USP32: variants seen among roughly 807,000 people sequenced by gnomAD.
USP32 encodes ubiquitin specific peptidase 32.
USP32 carries 59 observed loss-of-function variants against 204.8 expected under a neutral mutation model. The ratio of observed to expected loss-of-function variants is 0.29; its 90% CI spans 0.23 to 0.36. The LOEUF is 0.36. USP32 is among the 10% of genes least tolerant of loss of function. The pLI, the probability that USP32 is intolerant of heterozygous loss-of-function variation, is 1.00. For missense variants in USP32, 1,160 were observed against 1,946.4 expected (o/e 0.60, Z 7.60); for synonymous variants, 517 against 678.4 (o/e 0.76, Z 3.70).
At chr17:60,287,080 G>A (rs1164937111) in intron 5 of USP32, among the ~76,000 whole-genome samples, 3 of 152,126 alleles carry the variant, frequency 2.0e-5, no homozygotes, top group African/African-American at 4.8e-5. Flanking sequence ...AACCTGGGAG[G>A]TGGAGGTTGC....
At chr17:60,199,441 A>G (rs1266131591) in intron 26 of USP32, among the ~76,000 whole-genome samples, 1 of 152,194 alleles carries the variant, frequency 6.6e-6, no homozygotes, top group Non-Finnish European at 1.5e-5. Context: ...TTATCCTGGA[A>G]ATGGCTGTTA....
intron 1 of USP32, among the ~76,000 whole-genome samples, chr17:60,381,454 AAAG>A (rs2089645925): frequency 6.6e-6 from 1 of 151,886 alleles, no homozygotes; most frequent in Non-Finnish European, 1.5e-5. Context: ...AAAAAAAAAA[AAAG>A]GTTTTTATCT....
intron 33 of USP32, among the ~76,000 whole-genome samples, chr17:60,180,048 C>T (rs1183619751): frequency 6.6e-6 from 1 of 150,466 alleles, no homozygotes; most frequent in Non-Finnish European, 1.5e-5. Context: ...TTTCTTGAGA[C>T]AGAGTCTTGC....
intron 2 of USP32, among the ~76,000 whole-genome samples, chr17:60,328,779 C>T (rs1219817724): frequency 6.6e-6 from 1 of 152,190 alleles, no homozygotes; most frequent in Admixed American, 6.5e-5. Context: ...CGGGAGCAGC[C>T]AGAGAAGCTG....
chr17:60,263,653 A>C (rs1266993509), intron 9 of USP32, among the ~76,000 whole-genome samples: 1 of 152,218 alleles, frequency 6.6e-6, no homozygotes, highest in East Asian at 1.9e-4. Context: ...TCAAAATTTT[A>C]TCTCTACACA....
intron 1 of USP32, among the ~76,000 whole-genome samples, chr17:60,408,565 A>C (rs2089996058): frequency 6.6e-6 from 1 of 151,948 alleles, no homozygotes; most frequent in Non-Finnish European, 1.5e-5. Context: ...TTTAGTAGAG[A>C]TGGGGTTTCA....
At chr17:60,421,188 C>T (rs937705069) in intron 1 of USP32, 2 of 205,060 alleles carry the variant, frequency 9.8e-6, no homozygotes, top group Non-Finnish European at 1.7e-5. Flanking sequence ...AATTAATGAT[C>T]AGAAAACAGA....
At chr17:60,390,874 AAG>A (rs891056773) in intron 1 of USP32, among the ~76,000 whole-genome samples, 2 of 152,126 alleles carry the variant, frequency 1.3e-5, no homozygotes, top group African/African-American at 4.8e-5. Context: ...AAATGTCTAA[AAG>A]AAATACAAGC....
At chr17:60,294,823 TA>T (rs2087386927) in intron 3 of USP32, 22 bp from the exon 4 acceptor site, 2 of 1,519,310 alleles carry the variant, frequency 1.3e-6, no homozygotes, top group Non-Finnish European at 1.8e-6. Context: ...AAAGATAGAA[TA>T]AATTAATCTT....
chr17:60,402,597 C>T (rs188397971), intron 1 of USP32, among the ~76,000 whole-genome samples: 12 of 152,306 alleles, frequency 7.9e-5, no homozygotes, highest in South Asian at 4.1e-4. Flanking sequence ...ATCAGAATCA[C>T]GTTCCAGCAC....
chr17:60,360,937 T>C (rs1044660272), intron 1 of USP32, among the ~76,000 whole-genome samples: 1 of 151,856 alleles, frequency 6.6e-6, no homozygotes, highest in African/African-American at 2.4e-5. Flanking sequence ...GAGACCAGCC[T>C]GGCCAACATG....
chr17:60,203,184 T>C (rs1303204352), intron 26 of USP32, among the ~76,000 whole-genome samples: 6 of 150,484 alleles, frequency 4.0e-5, no homozygotes, highest in Middle Eastern at 3.4e-3. Context: ...GGCAGGCAGA[T>C]CACGAGGTCA....
At chr17:60,190,805 T>C (rs553928716) in intron 28 of USP32, 122 bp from the exon 29 acceptor site, 33 of 1,378,248 alleles carry the variant, frequency 2.4e-5, no homozygotes, top group South Asian at 2.3e-4. Context: ...CAATTTGTCA[T>C]GGGCTTCTAA....
chr17:60,180,040 T>C (rs1036664327), intron 33 of USP32, among the ~76,000 whole-genome samples: 2 of 151,756 alleles, frequency 1.3e-5, no homozygotes, highest in African/African-American at 4.8e-5. Flanking sequence ...TTTTTTTTTT[T>C]CTTGAGACAG....
chr17:60,181,874 T>G, intron 31 of USP32, 126 bp from the exon 32 acceptor site: 1 of 1,399,744 alleles, frequency 7.1e-7, no homozygotes, highest in Non-Finnish European at 9.6e-7. Context: ...CAGTCGTGAC[T>G]GGCTACTCTT....
intron 30 of USP32, 98 bp from the exon 31 acceptor site, chr17:60,183,551 A>T (rs1383967742): frequency 7.0e-6 from 10 of 1,434,342 alleles, no homozygotes; most frequent in Middle Eastern, 1.8e-4. Flanking sequence ...ATGTTTGGGA[A>T]TATATAACAG....
chr17:60,302,125 A>G (rs1236547592), intron 2 of USP32, among the ~76,000 whole-genome samples: 1 of 124,802 alleles, frequency 8.0e-6, no homozygotes, highest in East Asian at 2.0e-4. Context: ...TTATTTATTT[A>G]TTTATTTATT....
chr17:60,394,450 A>G (rs762074069), upstream of USP32, among the ~76,000 whole-genome samples: 4 of 152,182 alleles, frequency 2.6e-5, no homozygotes, highest in Admixed American at 6.5e-5. Context: ...AAATTAATGT[A>G]TCTCTTTGTG....
chr17:60,260,518 TAA>T (rs34862998), intron 9 of USP32, among the ~76,000 whole-genome samples: 9 of 139,372 alleles, frequency 6.5e-5, no homozygotes, highest in Admixed American at 2.2e-4. Flanking sequence ...AGCAAGACTT[TAA>T]AAAAAAAAAA....
Sources: gnomAD v4.1 joint callset for allele counts (sites outside exome capture counted in the v4.1 genomes callset) on GRCh38, gnomAD v4.1.1 for gene constraint, MANE v1.5 for transcripts, NCBI Gene and HGNC (gene_info 2026-07-23, HGNC 2026-07-21) for gene names.